The following PDE4D variants were observed in gnomAD, a reference collection of about 807,000 sequenced individuals.
PDE4D encodes the protein 3',5'-cyclic-AMP phosphodiesterase 4D.
PDE4D carries 24 observed loss-of-function variants against 87.4 expected under a neutral mutation model. The ratio of observed to expected loss-of-function variants is 0.27; its 90% CI spans 0.20 to 0.39. PDE4D has a LOEUF of 0.39. Ranked by LOEUF, PDE4D falls within the 10% of genes least tolerant of loss-of-function variation. PDE4D has a pLI of 1.00. For synonymous variants in PDE4D, 384 were observed against 383.2 expected (o/e 1.00, Z -0.02); for missense variants, 714 against 1,041.0 (o/e 0.69, Z 4.32).
chr5:59,799,975 T>C (rs1398116448), intron 1 of PDE4D, among the ~76,000 whole-genome samples: 1 of 152,170 alleles, frequency 6.6e-6, no homozygotes. Flanking sequence ...TAGAGCAAAA[T>C]TCTACGAAAG....
At chr5:59,506,224 T>C (rs1048979933) in intron 1 of PDE4D, among the ~76,000 whole-genome samples, 1 of 152,188 alleles carries the variant, frequency 6.6e-6, no homozygotes, top group East Asian at 1.9e-4. Context: ...TACTAACTTT[T>C]CAAGACTTCA....
chr5:59,222,124 G>A (rs1227495187), intron 1 of PDE4D, among the ~76,000 whole-genome samples: 4 of 152,082 alleles, frequency 2.6e-5, no homozygotes, highest in African/African-American at 4.8e-5. Flanking sequence ...ACAAACTGAC[G>A]AATGAACTAA....
At chr5:60,028,653 T>C (rs879606776) in intron 2 of PDE4D, among the ~76,000 whole-genome samples, 23 of 152,164 alleles carry the variant, frequency 1.5e-4, no homozygotes, top group Admixed American at 8.5e-4. Flanking sequence ...TATTCCTAGT[T>C]TACATTCCTC....
At chr5:59,392,598 A>G (rs1475438022) in intron 1 of PDE4D, among the ~76,000 whole-genome samples, 1 of 151,550 alleles carries the variant, frequency 6.6e-6, no homozygotes, top group Admixed American at 6.6e-5. Context: ...TTAAAAGTCT[A>G]ATTTCTGTGT....
chr5:59,006,478 G>A (rs959180578), intron 6 of PDE4D, among the ~76,000 whole-genome samples: 1 of 151,886 alleles, frequency 6.6e-6, no homozygotes, highest in Non-Finnish European at 1.5e-5. Context: ...GAGGTGGGAG[G>A]TGCTGAGGTG....
chr5:59,644,103 C>T (rs948430672), intron 1 of PDE4D, among the ~76,000 whole-genome samples: 1 of 152,158 alleles, frequency 6.6e-6, no homozygotes, highest in African/African-American at 2.4e-5. Flanking sequence ...TGTAGGAGAA[C>T]AGGAAAGCCA....
At chr5:60,241,400 A>G (rs1747106905) in intron 1 of PDE4D, among the ~76,000 whole-genome samples, 1 of 151,484 alleles carries the variant, frequency 6.6e-6, no homozygotes, top group Admixed American at 6.6e-5. Context: ...CAGCCTCCCA[A>G]GTAGCTGGGA....
chr5:60,269,889 T>C (rs534474243), intron 1 of PDE4D, among the ~76,000 whole-genome samples: 1 of 152,318 alleles, frequency 6.6e-6, no homozygotes, highest in South Asian at 2.1e-4. Context: ...AAAATCAATA[T>C]TTATCTTATG....
chr5:59,942,513 G>A (rs1757295146), intron 3 of PDE4D, among the ~76,000 whole-genome samples: 1 of 152,170 alleles, frequency 6.6e-6, no homozygotes. Context: ...GTAAGAAAGT[G>A]GAGAGAAAGG....
chr5:60,214,703 T>C (rs189569875), intron 1 of PDE4D, among the ~76,000 whole-genome samples: 24 of 152,272 alleles, frequency 1.6e-4, no homozygotes, highest in Non-Finnish European at 2.6e-4. Context: ...CTTCAGAAAC[T>C]GAACAGAGGA....
intron 2 of PDE4D, among the ~76,000 whole-genome samples, chr5:60,143,640 TG>T: frequency 7.1e-6 from 1 of 140,752 alleles, no homozygotes; most frequent in Admixed American, 7.3e-5. Flanking sequence ...TGTGTGTGTG[TG>T]TGTGTGTGTA....
intron 1 of PDE4D, among the ~76,000 whole-genome samples, chr5:60,444,067 C>T (rs1745450186): frequency 6.6e-6 from 1 of 151,286 alleles, no homozygotes; most frequent in African/African-American, 2.4e-5. Context: ...GGAAATAGGT[C>T]CTCCATGTTA....
chr5:59,261,619 T>C (rs1762022726), intron 1 of PDE4D, among the ~76,000 whole-genome samples: 1 of 151,812 alleles, frequency 6.6e-6, no homozygotes, highest in African/African-American at 2.4e-5. Context: ...TAAAATTCAC[T>C]TTTTTCCAAC....
intron 6 of PDE4D, among the ~76,000 whole-genome samples, chr5:59,037,222 T>G (rs1282314532): frequency 6.6e-6 from 1 of 152,218 alleles, no homozygotes; most frequent in East Asian, 1.9e-4. Flanking sequence ...AGTAACTAGC[T>G]GCTCAAATTC....
At chr5:59,096,399 G>C (rs1769721146) in intron 5 of PDE4D, among the ~76,000 whole-genome samples, 1 of 152,140 alleles carries the variant, frequency 6.6e-6, no homozygotes, top group African/African-American at 2.4e-5. Flanking sequence ...CTTTTAGTGG[G>C]CAATTGGTTG....
At chr5:60,221,801 G>A (rs1241656928) in intron 1 of PDE4D, among the ~76,000 whole-genome samples, 2 of 151,998 alleles carry the variant, frequency 1.3e-5, no homozygotes, top group African/African-American at 4.8e-5. Context: ...TATCACTGAG[G>A]CATTTCCAAT....
At chr5:59,636,463 A>T (rs1040264648) in intron 1 of PDE4D, among the ~76,000 whole-genome samples, 2 of 152,160 alleles carry the variant, frequency 1.3e-5, no homozygotes, top group African/African-American at 4.8e-5. Flanking sequence ...AAACAAACAA[A>T]AAACAAAGCT....
intron 1 of PDE4D, among the ~76,000 whole-genome samples, chr5:59,575,395 A>C (rs551866379): frequency 6.6e-6 from 1 of 152,326 alleles, no homozygotes; most frequent in South Asian, 2.1e-4. Context: ...TAAAACATAC[A>C]TATCTTCAAG....
chr5:59,457,413 G>A (rs570486146), intron 1 of PDE4D, among the ~76,000 whole-genome samples: 3 of 152,168 alleles, frequency 2.0e-5, no homozygotes, highest in African/African-American at 7.2e-5. Flanking sequence ...ATAGACTATA[G>A]TGTAAACATA....
Sources: allele counts gnomAD v4.1 joint callset (sites outside exome capture counted in the v4.1 genomes callset), GRCh38; gene constraint gnomAD v4.1.1; transcripts MANE v1.5; gene names NCBI Gene and HGNC (gene_info 2026-07-23, HGNC 2026-07-21).